The following TRAM1L1 variants were observed in gnomAD, a reference collection of about 807,000 sequenced individuals.
TRAM1L1 encodes translocating chain-associated membrane protein 1-like 1.
For missense variants in TRAM1L1, 451 were observed against 439.9 expected, an observed-to-expected ratio of 1.03 and a Z score of -0.23; for synonymous variants, 189 against 163.6, an observed-to-expected ratio of 1.16 and a Z score of -1.18.
chr4:117,084,013 A>C lies in TRAM1L1; in HGVS notation c.*271T>G. ...CTGCAAATCATTAGGAAAATGTTGAAAGGTTAAAAATCAAAACAAAATATA... is the reference window on the plus strand; with the variant it reads ...CTGCAAATCATTAGGAAAATGTTGACAGGTTAAAAATCAAAACAAAATATA... On this transcript the variant is annotated 3_prime_UTR_variant, in exon 1 of 1. Transcript: ENST00000310754. The C allele has an allele frequency of 2.9e-6, 1 of 344,344 alleles. No individual in the cohort carries two copies. Among genetic ancestry groups the C allele is most frequent in the Non-Finnish European group, 5.2e-6 (1 of 191,580 alleles). 21.3% of individuals were successfully genotyped at this position (344,344 alleles called of 1,614,324 possible).
rs760456456 is a variant in TRAM1L1, at chr4:117,084,270, T to C, written c.*14A>G. On this transcript the variant is annotated 3_prime_UTR_variant, in exon 1 of 1. Transcript: ENST00000310754. Reference sequence around the variant, plus strand: ...AGATTCCTTTGCAGACATTAATCAATGCGCTTGCAAAGATTATGAAGATTT... The same window carrying C: ...AGATTCCTTTGCAGACATTAATCAACGCGCTTGCAAAGATTATGAAGATTT... The C allele has an allele frequency of 1.3e-6, 2 of 1,585,308 alleles. No individual in the cohort carries two copies. Among genetic ancestry groups the C allele is most frequent in the Non-Finnish European group, 1.7e-6 (2 of 1,168,656 alleles).
Position 117,084,635 on chromosome 4 carries a change from CCA to C in TRAM1L1, c.757_758del (p.Trp253GlyfsTer8). 1 of 1,614,036 alleles carries C rather than the reference CCA, an allele frequency of 6.2e-7. No individual in the cohort carries two copies. Among genetic ancestry groups the C allele is most frequent in the South Asian group, 1.1e-5 (1 of 91,060 alleles). On this transcript the variant is annotated frameshift_variant, in exon 1 of 1. Coordinates refer to ENST00000310754, the MANE Select transcript of TRAM1L1 (RefSeq NM_152402.3). LOFTEE classifies it low-confidence loss of function (END_TRUNC). ...DEKYQKGISL[W>X]AIVFILGRLV... ...GTCTACCCAAGATAAACACAATGGCCCACAGAGATATGCCTTTCTGGTACTTT... is the reference window on the plus strand; with the variant it reads ...GTCTACCCAAGATAAACACAATGGCCCAGAGATATGCCTTTCTGGTACTTT...
At position 117,084,622 on chromosome 4, in the gene TRAM1L1, T is replaced by TA; in HGVS notation, c.771dup (p.Ile258TyrfsTer4). 1 of 1,614,146 alleles carries TA rather than the reference T, an allele frequency of 6.2e-7. No individual in the cohort carries two copies. The highest frequency in any genetic ancestry group is 1.1e-5 in the South Asian group (1 of 91,090). On this transcript the variant is annotated frameshift_variant, in exon 1 of 1. Coordinates refer to ENST00000310754, the MANE Select transcript of TRAM1L1 (RefSeq NM_152402.3). LOFTEE classifies it low-confidence loss of function (END_TRUNC). ...ATTAAAGTCACAAGTCTACCCAAGA[T>TA]AAACACAATGGCCCACAGAGATATG... is the stretch of plus-strand genomic sequence containing the variant.
rs1270048868 is a variant in TRAM1L1 at position 117,083,885 on chromosome 4, T to C, written c.*399A>G. Reference sequence around the variant, plus strand: ...CTTTTATTTTACCCCAAAGCAAGCATTAAACACATAATCTTGCTAGGAGAG... The same window carrying C: ...CTTTTATTTTACCCCAAAGCAAGCACTAAACACATAATCTTGCTAGGAGAG... On this transcript the variant is annotated 3_prime_UTR_variant, in exon 1 of 1. Coordinates refer to ENST00000310754, the MANE Select transcript of TRAM1L1 (RefSeq NM_152402.3). The C allele has an allele frequency of 1.9e-5, 3 of 159,610 alleles. No homozygotes were observed. The highest frequency in any genetic ancestry group is 7.2e-5 in the African/African-American group (3 of 41,720). 9.9% of individuals were successfully genotyped at this position (159,610 alleles called of 1,614,324 possible).
Position 117,084,569 on chromosome 4 carries a change from G to A in TRAM1L1, c.825C>T (p.His275=). ...LIVSVLTVGF[H]LAGSQNRNPD... ...GATTCCGATTCTGCGATCCAGCCAG[G>A]TGAAACCCAACAGTGAGTACGGAAA... The change falls in exon 1 of 1, where the codon CAC becomes CAT. Residue 275 remains histidine (H), a synonymous_variant. Coordinates refer to ENST00000310754, the MANE Select transcript of TRAM1L1 (RefSeq NM_152402.3). 1 of 1,614,136 alleles carries A rather than the reference G, an allele frequency of 6.2e-7. No individual in the cohort carries two copies. Among genetic ancestry groups the A allele is most frequent in the Non-Finnish European group, 8.5e-7 (1 of 1,180,020 alleles).
Position 117,084,216 on chromosome 4 carries a change from C to T in TRAM1L1, c.*68G>A, listed in dbSNP as rs562022553. Reference sequence around the variant, plus strand: ...GAACTATTTTCAAAAACAGAAAAATCTCTAGTGCAGAAAGAAACCTCAAAG... The same window carrying T: ...GAACTATTTTCAAAAACAGAAAAATTTCTAGTGCAGAAAGAAACCTCAAAG... On this transcript the variant is annotated 3_prime_UTR_variant, in exon 1 of 1. Transcript: ENST00000310754. 2 of 1,460,446 alleles carry T rather than the reference C, an allele frequency of 1.4e-6. No homozygotes were observed. The highest frequency in any genetic ancestry group is 4.6e-5 in the East Asian group (2 of 43,532). The allele number at this position is 1,460,446 out of a possible 1,614,324, so 90.5% of individuals were successfully genotyped here. A position where few individuals can be genotyped will look rare whatever the true frequency, so the allele number is the denominator to read the frequency against.
Position 117,083,910 on chromosome 4 carries a change from G to T in TRAM1L1, c.*374C>A. 1 of 170,966 alleles carries T rather than the reference G, an allele frequency of 5.8e-6. No homozygotes were observed. Among genetic ancestry groups the T allele is most frequent in the Non-Finnish European group, 1.2e-5 (1 of 80,770 alleles). 10.6% of individuals were successfully genotyped at this position (170,966 alleles called of 1,614,324 possible). A position where few individuals can be genotyped will look rare whatever the true frequency, so the allele number is the denominator to read the frequency against. On this transcript the variant is annotated 3_prime_UTR_variant, in exon 1 of 1. Transcript: ENST00000310754. The stretch of plus-strand genomic sequence containing the variant: ...TTAAACACATAATCTTGCTAGGAGA[G>T]ACCATCTTGTTAGTATTATGAAACA...
chr4:117,085,273 C>G lies in TRAM1L1; in HGVS notation c.121G>C (p.Glu41Gln), dbSNP rs1452197082. ...ACGATGGATGCTTCTGCTGTTCCCT[C>G]GAACACAAGCCCCAGCAGGAAGAAC... The part of the protein sequence containing the change: ...GMFFLLGLVF[E>Q]GTAEASIVFL... The change falls in exon 1 of 1, where the codon GAG becomes CAG. Residue 41 changes from glutamate (E) to glutamine (Q), a missense_variant. Transcript: ENST00000310754. 3 of 1,613,984 alleles carry G rather than the reference C, an allele frequency of 1.9e-6. No individual in the cohort carries two copies. Among genetic ancestry groups the G allele is most frequent in the East Asian group, 2.2e-5 (1 of 44,844 alleles).
rs1032312477 is a variant in TRAM1L1, at chr4:117,085,467, A to G, written c.-74T>C. 1 of 1,539,088 alleles carries G rather than the reference A, an allele frequency of 6.5e-7. No individual in the cohort carries two copies. The highest frequency in any genetic ancestry group is 1.4e-5 in the African/African-American group (1 of 73,010). The stretch of plus-strand genomic sequence containing the variant: ...GGCTGCTCCTCACAGCGCCGCCGCC[A>G]CGGTAGCAGCTCCGGGGGCTCCACT... On this transcript the variant is annotated 5_prime_UTR_variant, in exon 1 of 1. Coordinates refer to ENST00000310754, the MANE Select transcript of TRAM1L1 (RefSeq NM_152402.3).
Position 117,083,632 on chromosome 4 carries a change from A to G in TRAM1L1, c.*652T>C, listed in dbSNP as rs186967698. On this transcript the variant is annotated 3_prime_UTR_variant, in exon 1 of 1. Coordinates refer to ENST00000310754, the MANE Select transcript of TRAM1L1 (RefSeq NM_152402.3). ...ACAGGAATGATTTTAATATTTTTAT[A>G]TTAATTAATGATATTTTGATGCAAT... 5.2e-5 allele frequency: 8 copies of G among 152,590 alleles called. No homozygotes were observed. The East Asian group carries it at 1.2e-3, about 22-fold the overall frequency. The allele number at this position is 152,590 out of a possible 1,614,324, so 9.5% of individuals were successfully genotyped here.
chr4:117,083,793 T>C lies in TRAM1L1; in HGVS notation c.*491A>G, dbSNP rs1732392346. Reference sequence around the variant, plus strand: ...GGTGAGTCTAGCAATCTTTTCTGAGTTGTAAGTTCTTAAAAAATAAATTCT... The same window carrying C: ...GGTGAGTCTAGCAATCTTTTCTGAGCTGTAAGTTCTTAAAAAATAAATTCT... On this transcript the variant is annotated 3_prime_UTR_variant, in exon 1 of 1. Coordinates refer to ENST00000310754, the MANE Select transcript of TRAM1L1 (RefSeq NM_152402.3). 1 of 153,008 alleles carries C rather than the reference T, an allele frequency of 6.5e-6. No homozygotes were observed. The highest frequency in any genetic ancestry group is 6.5e-5 in the Admixed American group (1 of 15,290). The allele number at this position is 153,008 out of a possible 1,614,324, so 9.5% of individuals were successfully genotyped here.
chr4:117,084,904 G>C lies in TRAM1L1; in HGVS notation c.490C>G (p.Gln164Glu). ...TGGGATATGTAGAAAAACTTCATTT[G>C]AAATGTCATCATGCTATGGGGACGA... ...KARPHSMMTF[Q>E]MKFFYISQLA... The change falls in exon 1 of 1, where the codon CAA (glutamine) becomes GAA (glutamate). Residue 164 changes from glutamine to glutamate, a missense_variant. Physicochemically the swap from Gln to Glu is conservative, Grantham distance 29. Coordinates refer to ENST00000310754, the MANE Select transcript of TRAM1L1 (RefSeq NM_152402.3). 6.2e-7 allele frequency: 1 copy of C among 1,614,142 alleles called. No individual in the cohort carries two copies. Among genetic ancestry groups the C allele is most frequent in the Non-Finnish European group, 8.5e-7 (1 of 1,180,026 alleles).
Position 117,083,929 on chromosome 4 carries a change from T to C in TRAM1L1, c.*355A>G, listed in dbSNP as rs1289522737. 1.1e-5 allele frequency: 2 copies of C among 182,088 alleles called. No individual in the cohort carries two copies. Among genetic ancestry groups the C allele is most frequent in the Non-Finnish European group, 2.3e-5 (2 of 88,114 alleles). 11.3% of individuals were successfully genotyped at this position (182,088 alleles called of 1,614,324 possible). A position where few individuals can be genotyped will look rare whatever the true frequency, so the allele number is the denominator to read the frequency against. On this transcript the variant is annotated 3_prime_UTR_variant, in exon 1 of 1. Coordinates refer to ENST00000310754, the MANE Select transcript of TRAM1L1 (RefSeq NM_152402.3). ...AGGAGAGACCATCTTGTTAGTATTATGAAACACTGGTGGGAGTAAGAACCA... is the reference window on the plus strand; with the variant it reads ...AGGAGAGACCATCTTGTTAGTATTACGAAACACTGGTGGGAGTAAGAACCA...
In TRAM1L1 at chr4:117,085,112, A is replaced by G. The variant is rs1160702474; in HGVS notation, c.282T>C (p.His94=). The change falls in exon 1 of 1, where the codon CAT becomes CAC. Residue 94 remains histidine (H), a synonymous_variant. Transcript: ENST00000310754. ...CCAACACATATTCCTGAATTGTGGC[A>G]TGAATAATGATTGCCACCAGCATGT... ...FFYMLVAIII[H]ATIQEYVLDK... The G allele has an allele frequency of 1.2e-6, 2 of 1,614,072 alleles. No homozygotes were observed. The highest frequency in any genetic ancestry group is 1.1e-5 in the South Asian group (1 of 91,090).
Position 117,085,484 on chromosome 4 carries a change from G to A in TRAM1L1, c.-91C>T. ...CCGCCGCCACGGTAGCAGCTCCGGG[G>A]GCTCCACTTCCCATCCCGAAGTCAG... On this transcript the variant is annotated 5_prime_UTR_variant, in exon 1 of 1. Coordinates refer to ENST00000310754, the MANE Select transcript of TRAM1L1 (RefSeq NM_152402.3). 6.6e-7 allele frequency: 1 copy of A among 1,508,270 alleles called. No individual in the cohort carries two copies. Among genetic ancestry groups the A allele is most frequent in the African/African-American group, 1.4e-5 (1 of 71,862 alleles). 93.4% of individuals were successfully genotyped at this position (1,508,270 alleles called of 1,614,324 possible).
At position 117,085,417 on chromosome 4, in the gene TRAM1L1, C is replaced by T. The variant is rs765159952; in HGVS notation, c.-24G>A. 3 of 1,582,818 alleles carry T rather than the reference C, an allele frequency of 1.9e-6. No homozygotes were observed. The East Asian group carries it at 6.8e-5, about 36-fold the overall frequency. ...ATGGTGGCGCTTCCCGGATACTCAC[C>T]GGCGAGCCGCAGCTGCCTCCCCCTG... On this transcript the variant is annotated 5_prime_UTR_variant, in exon 1 of 1. Transcript: ENST00000310754.
chr4:117,084,369 G>T lies in TRAM1L1; in HGVS notation c.1025C>A (p.Ser342Tyr). Residue 342 changes from serine to tyrosine, a missense_variant, in exon 1 of 1, where the codon TCT becomes TAT. Ser to Tyr is a moderately radical substitution (Grantham distance 144). Transcript: ENST00000310754. ...CACTCCGTTTTCTGTTCTTTTTTTA[G>T]AAGATCTCGACCGTTTCTTTTTCAT... ...SCMKKKRSRS[S>Y]KKRTENGVGV... 6.2e-7 allele frequency: 1 copy of T among 1,614,000 alleles called. No homozygotes were observed. The highest frequency in any genetic ancestry group is 8.5e-7 in the Non-Finnish European group (1 of 1,180,018).
chr4:117,085,078 T>C lies in TRAM1L1; in HGVS notation c.316A>G (p.Asn106Asp). Residue 106 changes from asparagine to aspartate, a missense_variant, in exon 1 of 1, where the codon AAC (asparagine) becomes GAC (aspartate). By Grantham distance (23) the Asn-to-Asp change is conservative (BLOSUM62 1). Coordinates refer to ENST00000310754, the MANE Select transcript of TRAM1L1 (RefSeq NM_152402.3). ...TIQEYVLDKI[N>D]KRMQFTKAKQ... ...GCTTTGGTGAACTGCATTCTCTTGT[T>C]AATTTTATCCAACACATATTCCTGA... is the stretch of plus-strand genomic sequence containing the variant. 6.2e-7 allele frequency: 1 copy of C among 1,614,132 alleles called. No homozygotes were observed. Among genetic ancestry groups the C allele is most frequent in the Non-Finnish European group, 8.5e-7 (1 of 1,180,038 alleles).
rs73852892 is a variant in TRAM1L1 at position 117,085,562 on chromosome 4, A to G, written c.-169T>C. 5,526 of 863,378 alleles carry G rather than the reference A, an allele frequency of 6.4e-3. 215 individuals are homozygous for G. The African/African-American group carries it at 0.086, about 13-fold the overall frequency. The allele number at this position is 863,378 out of a possible 1,614,324, so 53.5% of individuals were successfully genotyped here. The stretch of plus-strand genomic sequence containing the variant: ...AAAAATAAATCAAAGGCGAGGGCCG[A>G]GCTGAGCTGAGCATGCGCACCAGGG... On this transcript the variant is annotated 5_prime_UTR_variant, in exon 1 of 1. Coordinates refer to ENST00000310754, the MANE Select transcript of TRAM1L1 (RefSeq NM_152402.3).
Sources: allele counts gnomAD v4.1 joint callset, GRCh38; gene constraint gnomAD v4.1.1; transcripts MANE v1.5; gene names NCBI Gene and HGNC (gene_info 2026-07-23, HGNC 2026-07-21).